SLC4A4: variants seen among roughly 807,000 people sequenced by gnomAD.
The protein encoded by SLC4A4 is electrogenic sodium bicarbonate cotransporter 1.
A neutral mutation model predicts 111.5 loss-of-function variants in SLC4A4; 27 were observed. The ratio of observed to expected loss-of-function variants is 0.24; its 90% confidence interval spans 0.18 to 0.33. The LOEUF (loss-of-function observed/expected upper bound fraction) is 0.33, where lower values mean the gene tolerates loss of function less well. Ranked by LOEUF, SLC4A4 falls within the 10% of genes least tolerant of loss-of-function variation. The pLI is 1.00. For missense variants in SLC4A4, 909 were observed against 1,315.5 expected (o/e 0.69, Z 4.78); for synonymous variants, 443 against 463.4 (o/e 0.96, Z 0.57).
At position 71,414,988 on chromosome 4, in the gene SLC4A4, G is replaced by A. The variant is rs575785819; in HGVS notation, c.807+17335G>A. ...ATTCTGAGGGAATGCAGATCATTAAGATTGGTGCAGTTATCATGAGGAATT... is the reference window on the plus strand; with the variant it reads ...ATTCTGAGGGAATGCAGATCATTAAAATTGGTGCAGTTATCATGAGGAATT... On this transcript the variant is annotated intron_variant, in intron 7 of 25. Transcript: ENST00000264485. Among the ~76,000 whole-genome samples the A allele has an allele frequency of 4.6e-5, 7 of 152,318 alleles. No individual in the cohort carries two copies. In the South Asian group the frequency reaches 1.5e-3, roughly 32 times the overall value.
intron 3 of SLC4A4, among the ~76,000 whole-genome samples, chr4:71,338,898 C>T (rs1728650862): frequency 1.4e-5 from 1 of 71,324 alleles, no homozygotes; most frequent in African/African-American, 5.7e-5. Context: ...AGGGCATGAG[C>T]TTTAGGCATT....
intron 6 of SLC4A4, among the ~76,000 whole-genome samples, chr4:71,372,108 T>A (rs1330997118): frequency 6.6e-6 from 1 of 152,262 alleles, no homozygotes; most frequent in Non-Finnish European, 1.5e-5. Flanking sequence ...TTTTTAAAGT[T>A]TATCTTTAAA....
At chr4:71,106,722 A>C (rs868687829) in intron 2 of SLC4A4, among the ~76,000 whole-genome samples, 1 of 138,670 alleles carries the variant, frequency 7.2e-6, no homozygotes, top group African/African-American at 2.7e-5. Context: ...GAATTGAACA[A>C]TGAGATCACA....
At chr4:71,540,654 C>G (rs1469698098) in intron 18 of SLC4A4, among the ~76,000 whole-genome samples, 1 of 152,164 alleles carries the variant, frequency 6.6e-6, no homozygotes, top group Non-Finnish European at 1.5e-5. Flanking sequence ...TCCCTATTCA[C>G]CACCTGTCTA....
chr4:71,565,922 G>A (rs2149259767), intron 24 of SLC4A4, among the ~76,000 whole-genome samples: 1 of 151,914 alleles, frequency 6.6e-6, no homozygotes, highest in East Asian at 2.0e-4. Context: ...AGTGATAAAA[G>A]AGAAAGAAAC....
intron 5 of SLC4A4, among the ~76,000 whole-genome samples, chr4:71,351,575 C>T (rs1387322891): frequency 1.3e-5 from 2 of 152,186 alleles, no homozygotes; most frequent in Non-Finnish European, 2.9e-5. Context: ...AAAAGTATCG[C>T]TGGGCGTGGT....
intron 7 of SLC4A4, among the ~76,000 whole-genome samples, chr4:71,426,039 T>C (rs1214480605): frequency 2.0e-5 from 3 of 152,116 alleles, no homozygotes; most frequent in South Asian, 4.2e-4. Context: ...GAATATATTT[T>C]AGGGTAAAAT....
chr4:71,516,272 T>C (rs977451376), intron 16 of SLC4A4, among the ~76,000 whole-genome samples: 1 of 151,758 alleles, frequency 6.6e-6, no homozygotes, highest in Non-Finnish European at 1.5e-5. Flanking sequence ...ATTTTTTTTG[T>C]ATTTTTAGTA....
At chr4:71,390,913 A>G (rs1286269302) in intron 6 of SLC4A4, among the ~76,000 whole-genome samples, 1 of 152,162 alleles carries the variant, frequency 6.6e-6, no homozygotes. Context: ...TAATAATAAT[A>G]CTAACCTCAC....
At chr4:71,250,541 C>T (rs1308257070) in intron 2 of SLC4A4, among the ~76,000 whole-genome samples, 1 of 152,094 alleles carries the variant, frequency 6.6e-6, no homozygotes, top group African/African-American at 2.4e-5. Flanking sequence ...GAATACAGTA[C>T]TGACATATCA....
At chr4:71,168,025 A>T (rs7684355) in intron 2 of SLC4A4, among the ~76,000 whole-genome samples, 122,386 of 151,718 alleles carry the variant, frequency 0.81, 53,088 homozygotes, top group Non-Finnish European at 0.95. Flanking sequence ...AATTTTTATA[A>T]TTTTTGTGAA....
At chr4:71,199,641 C>CT (rs1746160032) in intron 1 of SLC4A4, among the ~76,000 whole-genome samples, 1 of 151,972 alleles carries the variant, frequency 6.6e-6, no homozygotes, top group Non-Finnish European at 1.5e-5. Flanking sequence ...ACACAGTGTC[C>CT]TTTTTTTATT....
intron 23 of SLC4A4, among the ~76,000 whole-genome samples, chr4:71,562,862 A>T (rs6834895): frequency 6.6e-6 from 1 of 151,598 alleles, no homozygotes; most frequent in Non-Finnish European, 1.5e-5. Context: ...ACCTCTTTAG[A>T]GTCATAAATA....
chr4:71,189,781 A>G (rs1203025819), intron 1 of SLC4A4, among the ~76,000 whole-genome samples: 3 of 152,228 alleles, frequency 2.0e-5, no homozygotes, highest in African/African-American at 4.8e-5. Context: ...GGCGAGATAC[A>G]TATCTGTTTC....
At chr4:71,236,390 G>A (rs1472674322) in intron 1 of SLC4A4, 186 bp from the exon 2 acceptor site, 11 of 772,826 alleles carry the variant, frequency 1.4e-5, no homozygotes, top group South Asian at 7.2e-5. Context: ...ATGTGGGACC[G>A]GCATATTCTC....
intron 16 of SLC4A4, among the ~76,000 whole-genome samples, chr4:71,504,624 C>CT (rs1414684969): frequency 1.5e-5 from 2 of 132,356 alleles, no homozygotes; most frequent in Non-Finnish European, 3.4e-5. Context: ...TATAAATATT[C>CT]TTTTTTTGGA....
intron 6 of SLC4A4, among the ~76,000 whole-genome samples, chr4:71,359,660 C>A (rs953768024): frequency 1.3e-5 from 2 of 152,136 alleles, no homozygotes; most frequent in African/African-American, 4.8e-5. Flanking sequence ...GAATAAATTT[C>A]TAACTAAAAT....
chr4:71,428,542 C>T (rs1038482670), intron 7 of SLC4A4, among the ~76,000 whole-genome samples: 3 of 151,796 alleles, frequency 2.0e-5, no homozygotes, highest in East Asian at 1.9e-4. Flanking sequence ...AATTGGGTGA[C>T]GTTGAATGAT....
chr4:71,136,482 T>A (rs2148964140), intron 2 of SLC4A4, among the ~76,000 whole-genome samples: 1 of 152,304 alleles, frequency 6.6e-6, no homozygotes, highest in South Asian at 2.1e-4. Flanking sequence ...GTTAACCCCA[T>A]GTGGTGATGT....
Sources: gnomAD v4.1 joint callset for allele counts (sites outside exome capture counted in the v4.1 genomes callset) on GRCh38, gnomAD v4.1.1 for gene constraint, MANE v1.5 for transcripts, NCBI Gene and HGNC (gene_info 2026-07-23, HGNC 2026-07-21) for gene names.